TENM2: variants seen among roughly 807,000 people sequenced by gnomAD.
TENM2 encodes the protein teneurin transmembrane protein 2.
In TENM2, 52 loss-of-function variants were observed where a neutral mutation model predicts 245.2. The observed-to-expected ratio is 0.21, with a 90% CI of 0.17 to 0.27. TENM2 has a LOEUF of 0.27. TENM2 is among the 10% of genes least tolerant of loss of function. The pLI, the probability that TENM2 is intolerant of heterozygous loss-of-function variation, is 1.00. For synonymous variants in TENM2, 1,363 were observed against 1,438.9 expected (o/e 0.95, Z 1.19); for missense variants, 3,046 against 3,666.8 (o/e 0.83, Z 4.37).
chr5:167,870,458 T>A (rs961325185), intron 2 of TENM2, among the ~76,000 whole-genome samples: 1 of 151,910 alleles, frequency 6.6e-6, no homozygotes, highest in Non-Finnish European at 1.5e-5. Context: ...GTTAGGAAAG[T>A]CAGTTCAACT....
chr5:167,151,789 C>A, the TENM2 span, among the ~76,000 whole-genome samples: 4 of 152,258 alleles, frequency 2.6e-5, no homozygotes, highest in East Asian at 5.8e-4. Flanking sequence ...AATGGTGGAA[C>A]TATAGGCGTG....
intron 2 of TENM2, among the ~76,000 whole-genome samples, chr5:167,404,172 G>T (rs1373366655): frequency 6.6e-6 from 1 of 152,012 alleles, no homozygotes; most frequent in Non-Finnish European, 1.5e-5. Context: ...TAGGCCAAGA[G>T]AGTGTTATTA....
intron 2 of TENM2, among the ~76,000 whole-genome samples, chr5:167,439,207 T>A (rs1764747868): frequency 6.6e-6 from 1 of 152,176 alleles, no homozygotes; most frequent in Non-Finnish European, 1.5e-5. Flanking sequence ...CATATCTTGA[T>A]GAAATAATGT....
At chr5:167,370,735 T>C (rs902121378) in intron 1 of TENM2, among the ~76,000 whole-genome samples, 3 of 152,230 alleles carry the variant, frequency 2.0e-5, no homozygotes, top group African/African-American at 4.8e-5. Context: ...TGGAGGCAGA[T>C]AGAAGATAAA....
intron 2 of TENM2, among the ~76,000 whole-genome samples, chr5:167,644,732 T>G (rs575923177): frequency 6.6e-6 from 1 of 152,272 alleles, no homozygotes; most frequent in South Asian, 2.1e-4. Context: ...CTGTGTAATC[T>G]TACAGCCCAG....
intron 2 of TENM2, among the ~76,000 whole-genome samples, chr5:167,614,199 C>T (rs1030053595): frequency 1.3e-4 from 20 of 152,076 alleles, no homozygotes; most frequent in African/African-American, 2.4e-5. Flanking sequence ...TAGTACCTGA[C>T]TTTTATGAGA....
In TENM2 at chr5:168,247,278, C is replaced by T. The variant is rs534685965; in HGVS notation, c.6339C>T (p.Pro2113=). The stretch of plus-strand genomic sequence containing the variant: ...CCGTCATAAGTGAGACTCCCCTCCC[C>T]GTTGACCTCTACCGCTATGATGAGA... Residue 2113 remains proline, a synonymous_variant, in exon 27 of 29, where the codon CCC becomes CCT. Transcript: ENST00000518659. This position sits in a 1 kb window ranked among gnomAD's most constrained non-coding sequence, Gnocchi z 7.8. 35 of 1,613,978 alleles carry T rather than the reference C, an allele frequency of 2.2e-5. No individual in the cohort carries two copies. The highest frequency in any genetic ancestry group is 8.3e-5 in the Admixed American group (5 of 60,012).
intron 2 of TENM2, among the ~76,000 whole-genome samples, chr5:167,753,666 G>A (rs978227773): frequency 1.3e-5 from 2 of 152,174 alleles, no homozygotes; most frequent in Non-Finnish European, 1.5e-5. Flanking sequence ...ACAGTTAGTA[G>A]GTGACAAAGC....
chr5:167,543,651 A>G (rs1346342275), intron 2 of TENM2, among the ~76,000 whole-genome samples: 5 of 152,240 alleles, frequency 3.3e-5, no homozygotes, highest in African/African-American at 9.6e-5. Context: ...TTATTTTCAC[A>G]TAGTTCTGGA....
intron 2 of TENM2, among the ~76,000 whole-genome samples, chr5:167,566,312 G>A (rs1773904671): frequency 6.6e-6 from 1 of 152,042 alleles, no homozygotes; most frequent in Admixed American, 6.6e-5. Flanking sequence ...ACTCTGAGAT[G>A]CACTAGAGTG....
In TENM2 at chr5:167,836,840, A is replaced by T. The variant is rs527736705; in HGVS notation, c.503-39146A>T. Among the ~76,000 whole-genome samples the T allele has an allele frequency of 1.5e-4, 23 of 152,324 alleles. No homozygotes were observed. In the South Asian group the frequency reaches 4.6e-3, roughly 30 times the overall value. ...GTAGTTTTGTAGTTACATAAACTAC[A>T]AACCGGCTATCTCAGCCGGTTCTTT... is the stretch of plus-strand genomic sequence containing the variant. On this transcript the variant is annotated intron_variant, in intron 2 of 28. Transcript: ENST00000518659.
At chr5:167,903,057 T>C (rs1348588287) in intron 3 of TENM2, among the ~76,000 whole-genome samples, 5 of 152,246 alleles carry the variant, frequency 3.3e-5, no homozygotes, top group Non-Finnish European at 7.3e-5. Flanking sequence ...TGTATACATA[T>C]ATCATAGCAT....
At chr5:167,973,083 A>T (rs1322131387) in intron 4 of TENM2, among the ~76,000 whole-genome samples, 1 of 152,108 alleles carries the variant, frequency 6.6e-6, no homozygotes, top group Non-Finnish European at 1.5e-5. Context: ...CCTAATGGGG[A>T]TATTATAAGA....
chr5:168,211,976 C>T (rs112252940), intron 20 of TENM2, among the ~76,000 whole-genome samples: 13 of 152,018 alleles, frequency 8.6e-5, no homozygotes, highest in African/African-American at 1.9e-4. Context: ...TTAGAATTTC[C>T]GGGAGATTCA....
At position 167,596,656 on chromosome 5, in the gene TENM2, C is replaced by T. The variant is rs1446492892; in HGVS notation, c.502+221183C>T. ...CTAAAAACACAAAAAATTAGCTGGG[C>T]GTGGTGGCAGGCGCCTGTAGTCCCA... On this transcript the variant is annotated intron_variant, in intron 2 of 28. Coordinates refer to ENST00000518659, the Ensembl canonical transcript of TENM2. 2.0e-5 allele frequency among the ~76,000 whole-genome samples: 3 copies of T among 151,898 alleles called. No homozygotes were observed. The East Asian group carries it at 5.8e-4, about 30-fold the overall frequency.
chr5:167,757,701 C>G (rs1227526275), intron 2 of TENM2, among the ~76,000 whole-genome samples: 8 of 152,142 alleles, frequency 5.3e-5, no homozygotes, highest in African/African-American at 1.9e-4. Flanking sequence ...AATTTACACT[C>G]CCACCAACAG....
At chr5:167,853,886 A>G (rs1253955489) in intron 2 of TENM2, among the ~76,000 whole-genome samples, 1 of 152,214 alleles carries the variant, frequency 6.6e-6, no homozygotes, top group Non-Finnish European at 1.5e-5. Context: ...AGACCACAAA[A>G]AAAGTCTTAT....
the TENM2 span, among the ~76,000 whole-genome samples, chr5:167,051,841 C>T: frequency 3.9e-5 from 6 of 152,260 alleles, no homozygotes; most frequent in African/African-American, 7.2e-5. Context: ...GCTGAATTCC[C>T]TCATATTTGC....
At chr5:167,101,084 G>A in the TENM2 span, among the ~76,000 whole-genome samples, 3 of 152,188 alleles carry the variant, frequency 2.0e-5, no homozygotes, top group Non-Finnish European at 4.4e-5. Context: ...AACCAAAATA[G>A]AGATGTTCTC....
Sources: allele counts gnomAD v4.1 joint callset (sites outside exome capture counted in the v4.1 genomes callset), GRCh38; gene constraint gnomAD v4.1.1; non-coding constraint Gnocchi (gnomAD v3.1); transcripts MANE v1.5; gene names NCBI Gene and HGNC (gene_info 2026-07-23, HGNC 2026-07-21).